Variants in CFAP20DC observed in about 807,000 individuals in gnomAD.
CFAP20DC encodes the protein protein CFAP20DC.
In CFAP20DC, 84 loss-of-function variants were observed where a neutral mutation model predicts 101.7. The ratio of observed to expected loss-of-function variants is 0.83; its 90% CI spans 0.69 to 0.99. The LOEUF (loss-of-function observed/expected upper bound fraction) is 0.99, where lower values mean the gene tolerates loss of function less well. Ranked by LOEUF, CFAP20DC falls within the 50% of genes least tolerant of loss-of-function variation. The pLI is 0.00. For missense variants in CFAP20DC, 1,007 were observed against 970.3 expected (o/e 1.04, Z -0.50); for synonymous variants, 359 against 351.2 (o/e 1.02, Z -0.25).
chr3:58,787,821 G>C (rs1340846454), intron 15 of CFAP20DC, among the ~76,000 whole-genome samples: 3 of 152,148 alleles, frequency 2.0e-5, no homozygotes, highest in Non-Finnish European at 1.5e-5. Context: ...AAACGGATGA[G>C]TTCATGTCCT....
chr3:59,017,498 A>C (rs2093713714), intron 4 of CFAP20DC: 1 of 152,168 alleles, frequency 6.6e-6, no homozygotes, highest in Admixed American at 6.5e-5. Flanking sequence ...TGGCAAATGG[A>C]ATATACACTG....
chr3:58,957,239 A>G (rs2090716301), intron 4 of CFAP20DC, among the ~76,000 whole-genome samples: 1 of 152,222 alleles, frequency 6.6e-6, no homozygotes, highest in Admixed American at 6.5e-5. Context: ...AATAGCAAAC[A>G]CACATATAAA....
intron 4 of CFAP20DC, 29 bp from the exon 5 acceptor site, chr3:58,937,791 A>T: frequency 8.2e-7 from 1 of 1,221,980 alleles, no homozygotes; most frequent in Non-Finnish European, 1.2e-6. Context: ...GAAGACAGAA[A>T]GATTCCCATC....
At chr3:58,871,006 A>G (rs2108530903) in intron 7 of CFAP20DC, among the ~76,000 whole-genome samples, 1 of 152,060 alleles carries the variant, frequency 6.6e-6, no homozygotes, top group East Asian at 1.9e-4. Context: ...AACTCAACCT[A>G]ACAAATATTT....
At chr3:58,757,725 T>C (rs1325163471) in intron 15 of CFAP20DC, among the ~76,000 whole-genome samples, 1 of 152,126 alleles carries the variant, frequency 6.6e-6, no homozygotes, top group Non-Finnish European at 1.5e-5. Flanking sequence ...GAGTTTGTTC[T>C]GGTATAAGGT....
In CFAP20DC at chr3:58,788,375, CCA is replaced by C. The variant is rs1051791117; in HGVS notation, c.2237+18018_2237+18019del. Among the ~76,000 whole-genome samples the C allele has an allele frequency of 1.3e-5, 2 of 152,064 alleles. No individual in the cohort carries two copies. The highest frequency in any genetic ancestry group is 4.8e-5 in the African/African-American group (2 of 41,392). On this transcript the variant is annotated intron_variant, in intron 15 of 16. Transcript: ENST00000482387. This position sits in a 1 kb window ranked among gnomAD's most constrained non-coding sequence, Gnocchi z 4.2. ...CCGGGGAAATCCTATTGGTGAGAAT[CCA>C]CAGACATTTTTGAGCTTCTAATGTG... is the stretch of plus-strand genomic sequence containing the variant.
At chr3:58,719,035 G>C (rs1372176320) in intron 3 of CFAP20DC, among the ~76,000 whole-genome samples, 1 of 152,160 alleles carries the variant, frequency 6.6e-6, no homozygotes, top group Non-Finnish European at 1.5e-5. Context: ...TTGGGCCTAG[G>C]AGTTTGAGAC....
chr3:58,930,922 G>T (rs1401563195), intron 5 of CFAP20DC, among the ~76,000 whole-genome samples: 1 of 152,144 alleles, frequency 6.6e-6, no homozygotes, highest in African/African-American at 2.4e-5. Context: ...GTGGGCGCAG[G>T]ACAGTGGGTG....
intron 4 of CFAP20DC, chr3:59,019,046 TG>T (rs2093747846): frequency 6.6e-6 from 1 of 152,162 alleles, no homozygotes; most frequent in South Asian, 2.1e-4. Flanking sequence ...GTACTATTTT[TG>T]TAACTTTTCT....
At chr3:58,962,510 C>T (rs1390538015) in intron 4 of CFAP20DC, among the ~76,000 whole-genome samples, 1 of 152,168 alleles carries the variant, frequency 6.6e-6, no homozygotes, top group African/African-American at 2.4e-5. Context: ...ACCACAAATT[C>T]TCTGTTCAGT....
At chr3:58,937,626 G>T in intron 5 of CFAP20DC, 22 bp downstream of exon 5, 1 of 1,341,826 alleles carries the variant, frequency 7.5e-7, no homozygotes, top group Non-Finnish European at 1.1e-6. Flanking sequence ...AATATTTTAG[G>T]CAACATTCAT....
rs17059962 is a variant in CFAP20DC at position 58,930,026 on chromosome 3, T to G, written c.393+7622A>C. 5.2e-3 allele frequency among the ~76,000 whole-genome samples: 797 copies of G among 152,248 alleles called. 6 individuals carry two copies. Among genetic ancestry groups the G allele is most frequent in the African/African-American group, 0.017 (721 of 41,542 alleles). ...ACTACTCTCCCCTTCTTCAACTGGT[T>G]AATGCCTTCCTGTCTTTCAAGGCCA... On this transcript the variant is annotated intron_variant, in intron 5 of 16. Transcript: ENST00000482387.
intron 16 of CFAP20DC, among the ~76,000 whole-genome samples, chr3:58,744,151 TC>T (rs2068039411): frequency 6.6e-6 from 1 of 152,200 alleles, no homozygotes; most frequent in Non-Finnish European, 1.5e-5. Flanking sequence ...TTTAGAAAGC[TC>T]TTTCTCATGT....
chr3:58,875,511 C>T (rs28546739), intron 7 of CFAP20DC, among the ~76,000 whole-genome samples: 1 of 152,128 alleles, frequency 6.6e-6, no homozygotes, highest in East Asian at 1.9e-4. Flanking sequence ...TGTACCAGCA[C>T]GTGGCCTTTC....
chr3:58,986,192 G>A (rs571153921), intron 4 of CFAP20DC, among the ~76,000 whole-genome samples: 4 of 152,298 alleles, frequency 2.6e-5, no homozygotes, highest in African/African-American at 9.6e-5. Flanking sequence ...ATAGGAAGTT[G>A]ATTGAGTATC....
At chr3:58,862,488 AC>A in intron 12 of CFAP20DC, 4 of 985,398 alleles carry the variant, frequency 4.1e-6, no homozygotes, top group Non-Finnish European at 3.6e-6. Context: ...GTTTCATGAC[AC>A]TCAGAAGCAA....
At chr3:58,922,358 G>A (rs183909138) in intron 5 of CFAP20DC, among the ~76,000 whole-genome samples, 3 of 152,092 alleles carry the variant, frequency 2.0e-5, no homozygotes, top group South Asian at 4.2e-4. Flanking sequence ...TTATTGCTAC[G>A]GTTTGGATAT....
chr3:59,026,884 T>C (rs2093903152), intron 4 of CFAP20DC, among the ~76,000 whole-genome samples: 2 of 152,186 alleles, frequency 1.3e-5, no homozygotes, highest in Admixed American at 6.5e-5. Context: ...TAAAGCTTTG[T>C]TTGGAAGCAT....
intron 5 of CFAP20DC, among the ~76,000 whole-genome samples, chr3:58,932,066 A>G (rs987927852): frequency 6.6e-6 from 1 of 152,254 alleles, no homozygotes; most frequent in Non-Finnish European, 1.5e-5. Context: ...ACCAATACAG[A>G]GAAGTGCTTA....
Sources: gnomAD v4.1 joint callset for allele counts (sites outside exome capture counted in the v4.1 genomes callset) on GRCh38, gnomAD v4.1.1 for gene constraint, Gnocchi (gnomAD v3.1) non-coding constraint, MANE v1.5 for transcripts, NCBI Gene and HGNC (gene_info 2026-07-23, HGNC 2026-07-21) for gene names.